DIAPH2: variants seen among roughly 807,000 people sequenced by gnomAD.
DIAPH2 encodes protein diaphanous homolog 2.
DIAPH2 carries 35 observed loss-of-function variants against 92.7 expected under a neutral mutation model. That is an observed-to-expected ratio of 0.38 (90% CI 0.29 to 0.50). The LOEUF (loss-of-function observed/expected upper bound fraction) is 0.50. Ranked by LOEUF, DIAPH2 falls within the 20% of genes least tolerant of loss-of-function variation. The pLI is 0.94. For synonymous variants in DIAPH2, 301 were observed against 280.4 expected (o/e 1.07, Z -0.73); for missense variants, 701 against 819.5 (o/e 0.86, Z 1.77).
intron 10 of DIAPH2, among the ~76,000 whole-genome samples, chrX:96,936,959 A>G (rs777227349): frequency 2.7e-4 from 30 of 111,829 alleles, no homozygotes; most frequent in Admixed American, 9.5e-4. Context: ...GTTGTTAGCA[A>G]TTAGTTTTTT....
At chrX:96,909,515 G>C (rs935705233) in intron 5 of DIAPH2, among the ~76,000 whole-genome samples, 1 of 110,881 alleles carries the variant, frequency 9.0e-6, no homozygotes, top group African/African-American at 3.3e-5. Flanking sequence ...AGGAAACAAA[G>C]CTATGTCTAG....
At chrX:96,870,288 G>A (rs2065131483) in intron 4 of DIAPH2, among the ~76,000 whole-genome samples, 1 of 110,313 alleles carries the variant, frequency 9.1e-6, no homozygotes, top group Non-Finnish European at 1.9e-5. Flanking sequence ...TTGAGACAGA[G>A]TCTCGCTCTG....
intron 17 of DIAPH2, among the ~76,000 whole-genome samples, chrX:97,038,603 C>T (rs1412656069): frequency 9.5e-6 from 1 of 105,321 alleles, no homozygotes; most frequent in Non-Finnish European, 1.9e-5. Flanking sequence ...GGCGTGATCT[C>T]GTCTCACTGC....
At chrX:97,526,486 A>T (rs184030895) in intron 26 of DIAPH2, among the ~76,000 whole-genome samples, 1,450 of 110,854 alleles carry the variant, frequency 0.013, 25 homozygotes, top group African/African-American at 0.046. Flanking sequence ...AAAGTCACCA[A>T]ATCCATTTAG....
chrX:96,918,525 G>C lies in DIAPH2; in HGVS notation c.886G>C (p.Gly296Arg). The C allele has an allele frequency of 8.3e-7, 1 of 1,198,295 alleles. No homozygotes were observed. The highest frequency in any genetic ancestry group is 1.1e-6 in the Non-Finnish European group (1 of 887,191). ...TCTCTACAGTCTAGATAAACTTTTA[G>C]GGGCTATAACAACAGCAGCAGAAAG... Reference protein sequence around the residue: ...GEENILDKLLGAITTAAERNN... With the variant: ...GEENILDKLLRAITTAAERNN... Residue 296 changes from glycine (G) to arginine (R), a missense_variant, in exon 9 of 27, where the codon GGG (glycine) becomes CGG (arginine). Coordinates refer to ENST00000324765, the MANE Select transcript of DIAPH2 (RefSeq NM_006729.5).
At chrX:96,719,906 GTTAA>G (rs2063978901) in intron 1 of DIAPH2, among the ~76,000 whole-genome samples, 2 of 111,728 alleles carry the variant, frequency 1.8e-5, no homozygotes, top group Admixed American at 1.9e-4. Context: ...TTGTGACATG[GTTAA>G]TTAAAGTGAT....
intron 24 of DIAPH2, among the ~76,000 whole-genome samples, chrX:97,378,831 T>A (rs1427256873): frequency 8.9e-6 from 1 of 112,278 alleles, no homozygotes; most frequent in Non-Finnish European, 1.9e-5. Context: ...TTCTTTATAT[T>A]GTTGCCAAAT....
intron 1 of DIAPH2, among the ~76,000 whole-genome samples, chrX:96,706,980 C>A (rs1211717483): frequency 9.0e-6 from 1 of 110,506 alleles, no homozygotes; most frequent in Non-Finnish European, 1.9e-5. Flanking sequence ...AGATTCTTAT[C>A]CAAATTGTCA....
At chrX:97,351,925 T>A (rs1462893256) in intron 24 of DIAPH2, among the ~76,000 whole-genome samples, 2 of 111,347 alleles carry the variant, frequency 1.8e-5, no homozygotes, top group South Asian at 3.7e-4. Context: ...TAAATCAACA[T>A]CACCAACTTC....
intron 22 of DIAPH2, among the ~76,000 whole-genome samples, chrX:97,194,420 T>C (rs1233229536): frequency 1.8e-5 from 2 of 109,521 alleles, no homozygotes; most frequent in Non-Finnish European, 3.8e-5. Context: ...TAGCTGGGAC[T>C]ACAGGCACCC....
intron 17 of DIAPH2, among the ~76,000 whole-genome samples, chrX:97,070,111 T>C (rs758070532): frequency 1.2e-3 from 135 of 111,686 alleles, no homozygotes; most frequent in African/African-American, 4.1e-3. Flanking sequence ...GACAGTATTT[T>C]ATAATGTTTC....
chrX:97,412,317 G>A (rs144486083), intron 25 of DIAPH2, among the ~76,000 whole-genome samples: 5,816 of 111,780 alleles, frequency 0.052, 122 homozygotes, highest in African/African-American at 0.09. Flanking sequence ...GGTACATAAC[G>A]AAATGAAGGC....
chrX:96,758,633 A>T (rs1490577934), intron 4 of DIAPH2, among the ~76,000 whole-genome samples: 4 of 112,157 alleles, frequency 3.6e-5, no homozygotes, highest in South Asian at 7.3e-4. Flanking sequence ...TCACAGCTTA[A>T]GTTTACATTA....
intron 17 of DIAPH2, among the ~76,000 whole-genome samples, chrX:97,008,459 T>C (rs1014150453): frequency 8.9e-6 from 1 of 111,736 alleles, no homozygotes; most frequent in South Asian, 3.8e-4. Context: ...TTTTCCTTAA[T>C]GGTCTTGATT....
chrX:96,899,570 T>A (rs2065376966), intron 5 of DIAPH2, among the ~76,000 whole-genome samples: 1 of 111,496 alleles, frequency 9.0e-6, no homozygotes, highest in African/African-American at 3.3e-5. Context: ...TTTTTGTACA[T>A]TGATTTTGTA....
chrX:97,195,419 G>T (rs1010517665), intron 22 of DIAPH2, among the ~76,000 whole-genome samples: 1 of 111,159 alleles, frequency 9.0e-6, no homozygotes, highest in Non-Finnish European at 1.9e-5. Flanking sequence ...CCAGCACTTT[G>T]GGAGGCTGAA....
chrX:97,121,968 G>C (rs1273650978), intron 21 of DIAPH2, among the ~76,000 whole-genome samples: 1 of 111,687 alleles, frequency 9.0e-6, no homozygotes, highest in African/African-American at 3.3e-5. Flanking sequence ...AAAGCCCAGT[G>C]AGGTTATATA....
intron 23 of DIAPH2, among the ~76,000 whole-genome samples, chrX:97,312,434 C>G (rs2068804457): frequency 1.0e-5 from 1 of 100,150 alleles, no homozygotes; most frequent in Non-Finnish European, 2.0e-5. Flanking sequence ...ATTGCAACCT[C>G]CTCCTCCCCA....
intron 3 of DIAPH2, among the ~76,000 whole-genome samples, chrX:96,745,994 G>A (rs956726648): frequency 9.0e-6 from 1 of 111,356 alleles, no homozygotes; most frequent in Non-Finnish European, 1.9e-5. Flanking sequence ...CAAACTCCTC[G>A]GCTCAAGCCC....
Sources: gnomAD v4.1 joint callset for allele counts (sites outside exome capture counted in the v4.1 genomes callset) on GRCh38, gnomAD v4.1.1 for gene constraint, MANE v1.5 for transcripts, NCBI Gene and HGNC (gene_info 2026-07-23, HGNC 2026-07-21) for gene names.